The following FBXO11 variants were observed in gnomAD, a reference collection of about 807,000 sequenced individuals.
The protein encoded by FBXO11 is F-box only protein 11.
In FBXO11, 13 loss-of-function variants were observed where a neutral mutation model predicts 117.0. That is an observed-to-expected ratio of 0.11 (90% CI 0.07 to 0.18). The LOEUF is 0.18. FBXO11 is among the 10% of genes least tolerant of loss of function. The probability of loss-of-function intolerance (pLI) is 1.00; values close to 1 mark genes in which losing one functional copy is unlikely to be tolerated. For missense variants in FBXO11, 767 were observed against 1,164.4 expected (o/e 0.66, Z 4.97); for synonymous variants, 490 against 380.5 (o/e 1.29, Z -3.35).
chr2:47,902,421 T>A (rs1197001232), intron 1 of FBXO11, among the ~76,000 whole-genome samples: 1 of 152,186 alleles, frequency 6.6e-6, no homozygotes, highest in African/African-American at 2.4e-5. Context: ...TGCTCCCCCA[T>A]GGAAAGCTTT....
At position 47,808,094 on chromosome 2, in the gene FBXO11, G is replaced by A. The variant is rs181828069; in HGVS notation, c.*24C>T. The A allele has an allele frequency of 3.8e-4, 608 of 1,585,982 alleles. 1 individual carries two copies. Among genetic ancestry groups the A allele is most frequent in the Non-Finnish European group, 4.9e-4 (571 of 1,166,344 alleles). On this transcript the variant is annotated 3_prime_UTR_variant, in exon 23 of 23. Transcript: ENST00000403359. ...TTTAAGTTATGATGTTACAATGGCA[G>A]GACTTTTTCTTTAGGGAAGGAATTC...
chr2:47,883,669 G>A (rs766727469), intron 1 of FBXO11: 99 of 270,810 alleles, frequency 3.7e-4, no homozygotes, highest in Non-Finnish European at 6.4e-4. Flanking sequence ...CTTGTGTTGA[G>A]ACTTTGTGAT....
At chr2:47,827,313 G>GTTTGTT (rs1248513892) in intron 11 of FBXO11, among the ~76,000 whole-genome samples, 1 of 151,980 alleles carries the variant, frequency 6.6e-6, no homozygotes, top group Admixed American at 6.6e-5. Flanking sequence ...TTTTTTGTTT[G>GTTTGTT]TTTGTTTTTG....
At chr2:47,884,461 C>T (rs1267498243) in intron 1 of FBXO11, among the ~76,000 whole-genome samples, 2 of 152,082 alleles carry the variant, frequency 1.3e-5, no homozygotes, top group Non-Finnish European at 1.5e-5. Flanking sequence ...TTTTGATAGC[C>T]CTCAAATAAC....
intron 16 of FBXO11, chr2:47,814,414 G>C (rs921309678): frequency 1.7e-5 from 2 of 119,666 alleles, no homozygotes; most frequent in Admixed American, 1.8e-4. Context: ...GTCTTGCTCT[G>C]TCACCCAGGC....
intron 1 of FBXO11, among the ~76,000 whole-genome samples, chr2:47,853,097 A>C (rs1674000962): frequency 6.7e-6 from 1 of 149,966 alleles, no homozygotes; most frequent in African/African-American, 2.5e-5. Context: ...TTTGAGATGG[A>C]GTCTTGCTCT....
intron 1 of FBXO11, chr2:47,905,205 G>A (rs1259381509): frequency 9.1e-6 from 2 of 220,544 alleles, no homozygotes; most frequent in Non-Finnish European, 1.8e-5. Context: ...AGCGAGCGGA[G>A]AAGCCAAAGG....
chr2:47,895,903 G>A (rs138675988), intron 1 of FBXO11, among the ~76,000 whole-genome samples: 2 of 151,978 alleles, frequency 1.3e-5, no homozygotes, highest in Non-Finnish European at 2.9e-5. Context: ...CACCATGTTG[G>A]CCAGGCTGGT....
chr2:47,876,037 A>G (rs180834880), intron 1 of FBXO11, among the ~76,000 whole-genome samples: 17 of 152,352 alleles, frequency 1.1e-4, no homozygotes, highest in Non-Finnish European at 8.8e-5. Context: ...CCAATTATAC[A>G]TAAGGAAATT....
intron 1 of FBXO11, among the ~76,000 whole-genome samples, chr2:47,840,980 C>T (rs1367711828): frequency 3.9e-5 from 6 of 152,134 alleles, no homozygotes; most frequent in South Asian, 2.1e-4. Flanking sequence ...GGGCGGATCA[C>T]GAGGTCAGGA....
At chr2:47,839,321 A>C in intron 3 of FBXO11, 98 bp downstream of exon 3, 2 of 1,079,868 alleles carry the variant, frequency 1.9e-6, no homozygotes, top group Non-Finnish European at 2.7e-6. Flanking sequence ...CTGAATCCCA[A>C]AGGTAATACT....
chr2:47,835,417 T>C (rs1672473978), intron 5 of FBXO11, among the ~76,000 whole-genome samples: 1 of 152,238 alleles, frequency 6.6e-6, no homozygotes, highest in African/African-American at 2.4e-5. Flanking sequence ...CTGTACTAAC[T>C]TATTAATGGG....
intron 1 of FBXO11, among the ~76,000 whole-genome samples, chr2:47,872,341 C>T (rs570244200): frequency 1.3e-5 from 2 of 152,096 alleles, no homozygotes; most frequent in East Asian, 1.9e-4. Context: ...AATTTGTGTG[C>T]GTGAGACAGT....
chr2:47,809,063 C>T (rs1396383158), intron 21 of FBXO11, 95 bp downstream of exon 21: 21 of 715,670 alleles, frequency 2.9e-5, no homozygotes, highest in Non-Finnish European at 5.0e-5. Context: ...GTTATAGTCT[C>T]AACACCGGCA....
Position 47,808,309 on chromosome 2 carries a change from C to G in FBXO11, c.2654+20G>C. ...GGGGGAAAGTAATTGGGTAATATATCAAGCAAGTGTGCTACATACCTATCA... is the reference window on the plus strand; with the variant it reads ...GGGGGAAAGTAATTGGGTAATATATGAAGCAAGTGTGCTACATACCTATCA... On this transcript the variant is annotated intron_variant, in intron 22 of 22. Coordinates refer to ENST00000403359, the MANE Select transcript of FBXO11 (RefSeq NM_001190274.2). 1 of 1,612,118 alleles carries G rather than the reference C, an allele frequency of 6.2e-7. No individual in the cohort carries two copies. Among genetic ancestry groups the G allele is most frequent in the East Asian group, 2.2e-5 (1 of 44,856 alleles).
At chr2:47,900,179 G>T (rs1677997973) in intron 1 of FBXO11, among the ~76,000 whole-genome samples, 1 of 152,040 alleles carries the variant, frequency 6.6e-6, no homozygotes, top group South Asian at 2.1e-4. Flanking sequence ...ACACTACTCT[G>T]TTTCTATCCC....
At chr2:47,874,868 T>TG (rs1675885573) in intron 1 of FBXO11, among the ~76,000 whole-genome samples, 1 of 44,262 alleles carries the variant, frequency 2.3e-5, no homozygotes, top group Non-Finnish European at 4.4e-5. Flanking sequence ...GTCTCAGGAC[T>TG]TTTTTTTTTT....
At chr2:47,820,502 G>A in intron 13 of FBXO11, 46 bp from the exon 14 acceptor site, 2 of 1,444,730 alleles carry the variant, frequency 1.4e-6, no homozygotes, top group South Asian at 1.2e-5. Context: ...TGAGCCTAGA[G>A]AATACAGTAA....
chr2:47,890,634 T>C (rs1414102862), intron 1 of FBXO11, among the ~76,000 whole-genome samples: 2 of 151,764 alleles, frequency 1.3e-5, no homozygotes, highest in Admixed American at 1.3e-4. Flanking sequence ...CAAAACCCCA[T>C]CTCTACTAAA....
Sources: allele counts gnomAD v4.1 joint callset (sites outside exome capture counted in the v4.1 genomes callset), GRCh38; gene constraint gnomAD v4.1.1; transcripts MANE v1.5; gene names NCBI Gene and HGNC (gene_info 2026-07-23, HGNC 2026-07-21).